NCKAP5: variants seen among roughly 807,000 people sequenced by gnomAD.
NCKAP5 encodes the protein nck-associated protein 5.
NCKAP5 carries 92 observed loss-of-function variants against 167.0 expected under a neutral mutation model. That is an observed-to-expected ratio of 0.55 (90% CI 0.47 to 0.66). The LOEUF is 0.66. Among genes scored for constraint, NCKAP5 ranks in the 30% least tolerant of loss-of-function variants. The pLI, the probability that NCKAP5 is intolerant of heterozygous loss-of-function variation, is 0.00. For synonymous variants in NCKAP5, 891 were observed against 877.4 expected (o/e 1.02, Z -0.27); for missense variants, 2,378 against 2,315.0 (o/e 1.03, Z -0.56).
At chr2:133,391,041 T>C (rs1236464439) in intron 3 of NCKAP5, 2 of 152,254 alleles carry the variant, frequency 1.3e-5, no homozygotes, top group Admixed American at 1.3e-4. Context: ...TTGATGTTGA[T>C]GTTCTGAACA....
chr2:133,201,816 G>A (rs1458298089), intron 5 of NCKAP5, among the ~76,000 whole-genome samples: 1 of 152,038 alleles, frequency 6.6e-6, no homozygotes, highest in Admixed American at 6.6e-5. Context: ...AGCCACAAGA[G>A]GAACTAGGAG....
At position 133,181,922 on chromosome 2, in the gene NCKAP5, G is replaced by A. The variant is rs116621007; in HGVS notation, c.207+31794C>T. On this transcript the variant is annotated intron_variant, in intron 5 of 19. Coordinates refer to ENST00000409261, the MANE Select transcript of NCKAP5 (RefSeq NM_207363.3). ...TAGATAGGGTTAAAAGTAAAAGGAC[G>A]AAAAAAGATATATCACACTAACATT... Among the ~76,000 whole-genome samples the A allele has an allele frequency of 4.8e-3, 732 of 152,098 alleles. 9 individuals are homozygous for A. The highest frequency in any genetic ancestry group is 0.017 in the African/African-American group (697 of 41,488).
intron 19 of NCKAP5, among the ~76,000 whole-genome samples, chr2:132,693,709 T>C (rs1182956816): frequency 7.5e-6 from 1 of 132,812 alleles, no homozygotes; most frequent in Non-Finnish European, 1.5e-5. Context: ...CACTGCAACC[T>C]CCGCTTCCCC....
At chr2:132,698,662 G>A (rs1687568561) in intron 19 of NCKAP5, among the ~76,000 whole-genome samples, 1 of 152,036 alleles carries the variant, frequency 6.6e-6, no homozygotes, top group Non-Finnish European at 1.5e-5. Context: ...GTGAAACCCT[G>A]TCTCTACTAA....
intron 16 of NCKAP5, among the ~76,000 whole-genome samples, chr2:132,733,798 G>A (rs74437680): frequency 0.021 from 3,270 of 152,208 alleles, 89 homozygotes; most frequent in African/African-American, 0.074. Flanking sequence ...TCCTAATACT[G>A]AGGCAAAAAT....
intron 4 of NCKAP5, among the ~76,000 whole-genome samples, chr2:133,254,230 G>T (rs1193480020): frequency 6.6e-6 from 1 of 152,118 alleles, no homozygotes; most frequent in African/African-American, 2.4e-5. Context: ...CTAAGCCTTA[G>T]GAAGGTCTAG....
intron 11 of NCKAP5, among the ~76,000 whole-genome samples, chr2:132,845,996 A>G (rs1160282031): frequency 6.6e-6 from 1 of 151,850 alleles, no homozygotes; most frequent in Non-Finnish European, 1.5e-5. Flanking sequence ...CATATTTCTT[A>G]TTAGGTTTAT....
chr2:133,556,324 A>T (rs1026980823), intron 2 of NCKAP5, among the ~76,000 whole-genome samples: 2 of 152,236 alleles, frequency 1.3e-5, no homozygotes, highest in African/African-American at 4.8e-5. Context: ...TTATTTAGCC[A>T]TTTCTAATAT....
chr2:133,359,910 G>A (rs1021736129), intron 3 of NCKAP5, among the ~76,000 whole-genome samples: 2 of 152,146 alleles, frequency 1.3e-5, no homozygotes, highest in Non-Finnish European at 2.9e-5. Context: ...CAATTATACA[G>A]ACTTTTTGGA....
chr2:133,356,676 C>G (rs1037289633), intron 3 of NCKAP5, among the ~76,000 whole-genome samples: 2 of 150,930 alleles, frequency 1.3e-5, no homozygotes, highest in African/African-American at 4.8e-5. Context: ...TTTGTTGAAA[C>G]TTTGAGAAAG....
intron 8 of NCKAP5, among the ~76,000 whole-genome samples, chr2:132,943,985 G>C (rs1240962672): frequency 6.6e-6 from 1 of 152,184 alleles, no homozygotes; most frequent in Non-Finnish European, 1.5e-5. Context: ...ATGAGAGTTT[G>C]CTCTGCTCTT....
At chr2:132,944,252 AGGAG>A (rs1292369679) in intron 8 of NCKAP5, among the ~76,000 whole-genome samples, 2 of 152,170 alleles carry the variant, frequency 1.3e-5, no homozygotes, top group Non-Finnish European at 2.9e-5. Flanking sequence ...ACATGGCCTT[AGGAG>A]GCAGATCTAG....
At position 132,672,935 on chromosome 2, in the gene NCKAP5, G is replaced by A. The variant is rs202140725; in HGVS notation, c.*354C>T. Reference sequence around the variant, plus strand: ...GGCTCTGGTACTGCAATAGTTTATTGTTATCTCTATCAAGCGGTGCACCCC... The same window carrying A: ...GGCTCTGGTACTGCAATAGTTTATTATTATCTCTATCAAGCGGTGCACCCC... On this transcript the variant is annotated 3_prime_UTR_variant, in exon 20 of 20. Coordinates refer to ENST00000409261, the MANE Select transcript of NCKAP5 (RefSeq NM_207363.3). The A allele has an allele frequency of 1.0e-6, 1 of 963,956 alleles. No homozygotes were observed. Among genetic ancestry groups the A allele is most frequent in the South Asian group, 4.7e-5 (1 of 21,194 alleles). The allele number at this position is 963,956 out of a possible 1,614,324, so 59.7% of individuals were successfully genotyped here.
intron 19 of NCKAP5, among the ~76,000 whole-genome samples, chr2:132,682,105 T>C (rs1016520145): frequency 2.6e-5 from 4 of 152,250 alleles, no homozygotes; most frequent in African/African-American, 9.6e-5. Context: ...TTGATCCTTA[T>C]TCTAAAAAGA....
intron 16 of NCKAP5, among the ~76,000 whole-genome samples, chr2:132,751,295 T>C (rs1680091551): frequency 6.6e-6 from 1 of 152,168 alleles, no homozygotes; most frequent in Admixed American, 6.5e-5. Flanking sequence ...TCTCTTGCCA[T>C]GTGGTGCCTG....
At chr2:133,246,188 T>C (rs1465039363) in intron 4 of NCKAP5, among the ~76,000 whole-genome samples, 1 of 151,966 alleles carries the variant, frequency 6.6e-6, no homozygotes, top group African/African-American at 2.4e-5. Flanking sequence ...TAGACGGAGC[T>C]TTCCTGGTGA....
chr2:132,936,949 G>A (rs1696898048), intron 8 of NCKAP5, among the ~76,000 whole-genome samples: 1 of 152,140 alleles, frequency 6.6e-6, no homozygotes, highest in Non-Finnish European at 1.5e-5. Context: ...GTTTAATAGT[G>A]ATGATGTGAA....
chr2:132,824,525 T>C (rs1340121179), intron 11 of NCKAP5, among the ~76,000 whole-genome samples: 3 of 152,202 alleles, frequency 2.0e-5, no homozygotes, highest in East Asian at 3.8e-4. Context: ...AAATAGCATA[T>C]TTGGCTTTCT....
intron 3 of NCKAP5, among the ~76,000 whole-genome samples, chr2:133,481,383 T>C (rs899304588): frequency 6.6e-6 from 1 of 152,202 alleles, no homozygotes; most frequent in African/African-American, 2.4e-5. Flanking sequence ...TACATGTATT[T>C]AATGTGGAGA....
Sources: gnomAD v4.1 joint callset for allele counts (sites outside exome capture counted in the v4.1 genomes callset) on GRCh38, gnomAD v4.1.1 for gene constraint, MANE v1.5 for transcripts, NCBI Gene and HGNC (gene_info 2026-07-23, HGNC 2026-07-21) for gene names.